The following IMPDH1 variants were observed in gnomAD, a reference collection of about 807,000 sequenced individuals.
IMPDH1 encodes inosine monophosphate dehydrogenase 1.
A neutral mutation model predicts 73.5 loss-of-function variants in IMPDH1; 41 were observed. The ratio of observed to expected loss-of-function variants is 0.56; its 90% CI spans 0.43 to 0.72. IMPDH1 has a LOEUF of 0.72. Among genes scored for constraint, IMPDH1 ranks in the 30% least tolerant of loss-of-function variants. The pLI is 0.00. For missense variants in IMPDH1, 645 were observed against 824.8 expected (o/e 0.78, Z 2.67); for synonymous variants, 318 against 334.3 (o/e 0.95, Z 0.53).
At chr7:128,404,910 T>TC (rs1367808222) in intron 4 of IMPDH1, among the ~76,000 whole-genome samples, 1 of 152,210 alleles carries the variant, frequency 6.6e-6, no homozygotes, top group African/African-American at 2.4e-5. Context: ...GAGGAGACAC[T>TC]CCTCAGGAGT....
rs147250451 is a variant in IMPDH1, at chr7:128,409,455, G to A, written c.176C>T (p.Thr59Met). 4 of 1,614,200 alleles carry A rather than the reference G, an allele frequency of 2.5e-6. No homozygotes were observed. The highest frequency in any genetic ancestry group is 2.7e-5 in the African/African-American group (2 of 75,064). Residue 59 changes from threonine (T) to methionine (M), a missense_variant, in exon 2 of 17, where the codon ACG becomes ATG. Transcript: ENST00000338791. ...GTTGGAGCCACCTGAACGGGGTGTC[G>A]TCGGGTGTGTAGCGAGGTCCAATCT... ...SPRLDLATHPTTPRSELSSVV... is the reference protein window; with the variant it reads ...SPRLDLATHPMTPRSELSSVV...
At chr7:128,395,318 A>T in intron 12 of IMPDH1, 44 bp from the exon 13 acceptor site, 1 of 1,609,230 alleles carries the variant, frequency 6.2e-7, no homozygotes, top group Non-Finnish European at 8.5e-7. Context: ...AGTCAACAGC[A>T]ACTCCGGGGC....
chr7:128,409,254 C>A (rs752493683), intron 3 of IMPDH1, 35 bp downstream of exon 3: 81 of 1,582,702 alleles, frequency 5.1e-5, no homozygotes, highest in Non-Finnish European at 6.3e-5. Flanking sequence ...CCTCTCAGAT[C>A]TCAGTGCATG....
chr7:128,404,657 C>CCTA (rs770993668), intron 4 of IMPDH1, among the ~76,000 whole-genome samples: 2 of 152,084 alleles, frequency 1.3e-5, no homozygotes. Context: ...TGCCCTAAGG[C>CCTA]CTAGAGAAAC....
At position 128,398,512 on chromosome 7, in the gene IMPDH1, G is replaced by T; in HGVS notation, c.976C>A (p.Gln326Lys). ...GCTGCCCCACAGAGCAGCTGCTTCT[G>T]GGAATCCTTGGAGGCCAGAGGGTAG... is the stretch of plus-strand genomic sequence containing the variant. Reference protein sequence around the residue: ...RDYPLASKDSQKQLLCGAAVG... With the variant: ...RDYPLASKDSKKQLLCGAAVG... The change falls in exon 10 of 17, where the codon CAG becomes AAG. Residue 326 changes from glutamine to lysine, a missense_variant. Coordinates refer to ENST00000338791, the MANE Select transcript of IMPDH1 (RefSeq NM_000883.4). The surrounding 1 kb of genome is among the most constrained non-coding windows in gnomAD (Gnocchi z 4.3). 6.2e-7 allele frequency: 1 copy of T among 1,613,808 alleles called. No homozygotes were observed. The highest frequency in any genetic ancestry group is 8.5e-7 in the Non-Finnish European group (1 of 1,179,832).
chr7:128,409,627 A>T, intron 1 of IMPDH1, 129 bp downstream of exon 1: 2 of 1,503,202 alleles, frequency 1.3e-6, no homozygotes, highest in Non-Finnish European at 1.8e-6. Flanking sequence ...TTAGAGGCTG[A>T]GGCGGTAATA....
intron 3 of IMPDH1, among the ~76,000 whole-genome samples, chr7:128,408,982 G>C (rs906709114): frequency 2.0e-5 from 3 of 152,210 alleles, no homozygotes; most frequent in African/African-American, 7.2e-5. Context: ...ATCTAACCCA[G>C]CTGCCAGGTC....
chr7:128,396,821 C>A lies in IMPDH1; in HGVS notation c.1165+111G>T. 1 of 1,144,184 alleles carries A rather than the reference C, an allele frequency of 8.7e-7. No individual in the cohort carries two copies. The highest frequency in any genetic ancestry group is 1.3e-6 in the Non-Finnish European group (1 of 772,056). 70.9% of individuals were successfully genotyped at this position (1,144,184 alleles called of 1,614,324 possible). A position where few individuals can be genotyped will look rare whatever the true frequency, so the allele number is the denominator to read the frequency against. On this transcript the variant is annotated intron_variant, in intron 11 of 16. Coordinates refer to ENST00000338791, the MANE Select transcript of IMPDH1 (RefSeq NM_000883.4). This position sits in a 1 kb window ranked among gnomAD's most constrained non-coding sequence, Gnocchi z 4.0. ...ACAGTGACCAAAGCCCATCATGCTC[C>A]CTGCCACCCATGCCAGGAGCCATAC...
intron 3 of IMPDH1, among the ~76,000 whole-genome samples, chr7:128,408,995 C>T (rs1172849259): frequency 1.3e-5 from 2 of 152,244 alleles, no homozygotes; most frequent in African/African-American, 4.8e-5. Flanking sequence ...GCCAGGTCAC[C>T]TCCCCAAGCT....
rs1160913854 is a variant in IMPDH1, at chr7:128,396,835, C to G, written c.1165+97G>C. 1.7e-6 allele frequency: 2 copies of G among 1,171,014 alleles called. No individual in the cohort carries two copies. Among genetic ancestry groups the G allele is most frequent in the Admixed American group, 3.7e-5 (2 of 54,582 alleles). 72.5% of individuals were successfully genotyped at this position (1,171,014 alleles called of 1,614,324 possible). A position where few individuals can be genotyped will look rare whatever the true frequency, so the allele number is the denominator to read the frequency against. On this transcript the variant is annotated intron_variant, in intron 11 of 16. Coordinates refer to ENST00000338791, the MANE Select transcript of IMPDH1 (RefSeq NM_000883.4). The surrounding 1 kb of genome is among the most constrained non-coding windows in gnomAD (Gnocchi z 4.0). ...CCATCATGCTCCCTGCCACCCATGC[C>G]AGGAGCCATACCATCACCTAGGGAT...
At chr7:128,401,480 G>A (rs539916365) in intron 5 of IMPDH1, among the ~76,000 whole-genome samples, 154 of 152,242 alleles carry the variant, frequency 1.0e-3, no homozygotes, top group African/African-American at 3.5e-3. Flanking sequence ...GTGCAAACCC[G>A]CCTCAGGGTC....
chr7:128,404,627 A>AG (rs1223680184), intron 4 of IMPDH1, among the ~76,000 whole-genome samples: 1 of 152,064 alleles, frequency 6.6e-6, no homozygotes, highest in Non-Finnish European at 1.5e-5. Context: ...CACAGGGTGG[A>AG]GGGGGGTGGG....
In IMPDH1 at chr7:128,398,147, TG is replaced by T. The variant is rs1798058845; in HGVS notation, c.1074+266del. 6.6e-6 allele frequency among the ~76,000 whole-genome samples: 1 copy of T among 152,208 alleles called. No individual in the cohort carries two copies. The highest frequency in any genetic ancestry group is 2.4e-5 in the African/African-American group (1 of 41,462). On this transcript the variant is annotated intron_variant, in intron 10 of 16. Coordinates refer to ENST00000338791, the MANE Select transcript of IMPDH1 (RefSeq NM_000883.4). The surrounding 1 kb of genome is among the most constrained non-coding windows in gnomAD (Gnocchi z 4.3). ...TTGTATCTCAGATGACACAAACCAT[TG>T]TTTGTTTTTTGAGAAAGGGTCTCGT...
At position 128,405,857 on chromosome 7, in the gene IMPDH1, T is replaced by C. The variant is rs1219303232; in HGVS notation, c.263A>G (p.Asp88Gly). 3 of 1,528,678 alleles carry C rather than the reference T, an allele frequency of 2.0e-6. No individual in the cohort carries two copies. Among genetic ancestry groups the C allele is most frequent in the South Asian group, 2.4e-5 (2 of 82,120 alleles). The allele number at this position is 1,528,678 out of a possible 1,614,324, so 94.7% of individuals were successfully genotyped here. A position where few individuals can be genotyped will look rare whatever the true frequency, so the allele number is the denominator to read the frequency against. The change falls in exon 4 of 17, where the codon GAC (aspartate) becomes GGC (glycine). Residue 88 changes from aspartate (D) to glycine (G), a missense_variant. This residue lies in a region of IMPDH1 where 186 missense variants were observed against 186.6 expected (regional missense o/e 1.00). Transcript: ENST00000338791. ...MDRLRRASMA[D>G]YLISGGTGYV... ...GCCGGTGCCGCCGCTGATCAGGTAGTCCGCCATGCTGCCGCGAGACCCCGC... is the reference window on the plus strand; with the variant it reads ...GCCGGTGCCGCCGCTGATCAGGTAGCCCGCCATGCTGCCGCGAGACCCCGC...
At chr7:128,401,868 C>T (rs1445006658) in intron 5 of IMPDH1, among the ~76,000 whole-genome samples, 2 of 152,192 alleles carry the variant, frequency 1.3e-5, no homozygotes, top group African/African-American at 4.8e-5. Flanking sequence ...AGAGCACATA[C>T]CCCTCTGAGG....
Position 128,394,916 on chromosome 7 carries a change from C to A in IMPDH1, c.1523G>T (p.Ser508Ile). ...GAAGTATCGTTTCTGGCTGCTGCTGCTCTTCTCCATGGCATCCAGTGAGCC... is the reference window on the plus strand; with the variant it reads ...GAAGTATCGTTTCTGGCTGCTGCTGATCTTCTCCATGGCATCCAGTGAGCC... ...GMGSLDAMEKSSSSQKRYFSE... is the reference protein window; with the variant it reads ...GMGSLDAMEKISSSQKRYFSE... The change falls in exon 14 of 17, where the codon AGC becomes ATC. Residue 508 changes from serine (S) to isoleucine (I), a missense_variant. By Grantham distance (142) the Ser-to-Ile change is moderately radical (BLOSUM62 -2). Around this residue, in one of 2 missense-constraint regions of IMPDH1, gnomAD observed 459 missense variants for 638.2 expected, o/e 0.72. Coordinates refer to ENST00000338791, the MANE Select transcript of IMPDH1 (RefSeq NM_000883.4). This position sits in a 1 kb window ranked among gnomAD's most constrained non-coding sequence, Gnocchi z 5.5. 1 of 1,612,846 alleles carries A rather than the reference C, an allele frequency of 6.2e-7. No homozygotes were observed. The highest frequency in any genetic ancestry group is 1.1e-5 in the South Asian group (1 of 91,052).
At chr7:128,399,201 T>C (rs760155419) in intron 9 of IMPDH1, among the ~76,000 whole-genome samples, 9 of 151,064 alleles carry the variant, frequency 6.0e-5, no homozygotes, top group Non-Finnish European at 1.2e-4. Context: ...CCATCTCTAC[T>C]AAAAATACAA....
intron 5 of IMPDH1, among the ~76,000 whole-genome samples, chr7:128,401,344 A>G (rs1449654236): frequency 6.6e-6 from 1 of 152,194 alleles, no homozygotes; most frequent in African/African-American, 2.4e-5. Context: ...GCTGCAGAGA[A>G]AAACAAAAAG....
intron 5 of IMPDH1, 115 bp downstream of exon 5, chr7:128,403,591 C>T: frequency 2.3e-6 from 2 of 860,838 alleles, no homozygotes; most frequent in Non-Finnish European, 4.0e-6. Context: ...ATATCCTATC[C>T]ACCCATTCCC....
Sources: allele counts gnomAD v4.1 joint callset (sites outside exome capture counted in the v4.1 genomes callset), GRCh38; gene constraint gnomAD v4.1.1; regional missense constraint gnomAD v4.1.1; non-coding constraint Gnocchi (gnomAD v3.1); transcripts MANE v1.5; gene names NCBI Gene and HGNC (gene_info 2026-07-23, HGNC 2026-07-21).